Variants in FBXO45 observed in about 807,000 individuals in gnomAD.
The protein encoded by FBXO45 is F-box/SPRY domain-containing protein 1.
FBXO45 carries 3 observed loss-of-function variants against 25.5 expected under a neutral mutation model. That is an observed-to-expected ratio of 0.12 (90% CI 0.05 to 0.30). The LOEUF is 0.30. Among genes scored for constraint, FBXO45 ranks in the 10% least tolerant of loss-of-function variants. The probability of loss-of-function intolerance (pLI) is 1.00; values close to 1 mark genes in which losing one functional copy is unlikely to be tolerated. For synonymous variants in FBXO45, 155 were observed against 149.8 expected (o/e 1.03, Z -0.25); for missense variants, 219 against 365.0 (o/e 0.60, Z 3.26).
intron 2 of FBXO45, among the ~76,000 whole-genome samples, chr3:196,579,981 C>A (rs1735980118): frequency 6.6e-6 from 1 of 151,990 alleles, no homozygotes; most frequent in Non-Finnish European, 1.5e-5. Context: ...TTATCTAACC[C>A]AGTCTCTGTC....
Position 196,587,315 on chromosome 3 carries a change from CCATTATTTTCT to C in FBXO45, c.*3006_*3016del, listed in dbSNP as rs1166988540. ...TGTGGTTAATGTCATTTCATAGTTG[CCATTATTTTCT>C]CATTATTTGACTTAAATGTTAAGCC... On this transcript the variant is annotated 3_prime_UTR_variant, in exon 3 of 3. Transcript: ENST00000311630. The C allele has an allele frequency of 6.6e-6, 1 of 152,112 alleles. No homozygotes were observed. The highest frequency in any genetic ancestry group is 1.9e-4 in the East Asian group (1 of 5,190). The allele number at this position is 152,112 out of a possible 1,614,324, so 9.4% of individuals were successfully genotyped here.
Position 196,578,351 on chromosome 3 carries a change from A to G in FBXO45, c.675+542A>G, listed in dbSNP as rs144973169. Among the ~76,000 whole-genome samples, 921 of 152,090 alleles carry G rather than the reference A, an allele frequency of 6.1e-3. 8 individuals carry two copies. The highest frequency in any genetic ancestry group is 0.021 in the African/African-American group (865 of 41,472). The stretch of plus-strand genomic sequence containing the variant: ...TGCCCAGCCTCAAGGAGATTTTTTG[A>G]CCATTTTTAAATAAATGTATAAATG... On this transcript the variant is annotated intron_variant, in intron 2 of 2. Transcript: ENST00000311630.
Position 196,569,177 on chromosome 3 carries a change from C to T in FBXO45, c.193C>T (p.His65Tyr), listed in dbSNP as rs374939494. 1.9e-6 allele frequency: 3 copies of T among 1,557,978 alleles called. No individual in the cohort carries two copies. The highest frequency in any genetic ancestry group is 2.6e-6 in the Non-Finnish European group (3 of 1,151,386). The change falls in exon 1 of 3, where the codon CAC becomes TAC. Residue 65 changes from histidine (H) to tyrosine (Y), a missense_variant. Physicochemically the swap from His to Tyr is moderately conservative, Grantham distance 83. This residue lies in a region of FBXO45 where 138 missense variants were observed against 157.3 expected (regional missense o/e 0.88). Coordinates refer to ENST00000311630, the MANE Select transcript of FBXO45 (RefSeq NM_001105573.2). This position sits in a 1 kb window ranked among gnomAD's most constrained non-coding sequence, Gnocchi z 4.1. ...GCGGAGCTGCGCCCTGGTGTGCAAGCACTGGTACCGCTGCCTGCACGGCGA... is the reference window on the plus strand; with the variant it reads ...GCGGAGCTGCGCCCTGGTGTGCAAGTACTGGTACCGCTGCCTGCACGGCGA... ...ELRSCALVCK[H>Y]WYRCLHGDEN...
At position 196,577,445 on chromosome 3, in the gene FBXO45, C is replaced by T; in HGVS notation, c.319-8C>T. 1 of 1,532,632 alleles carries T rather than the reference C, an allele frequency of 6.5e-7. No homozygotes were observed. The highest frequency in any genetic ancestry group is 1.7e-4 in the Middle Eastern group (1 of 5,736). 94.9% of individuals were successfully genotyped at this position (1,532,632 alleles called of 1,614,324 possible). The stretch of plus-strand genomic sequence containing the variant: ...GTTATTTATTTGGTCTGTTTTTCAT[C>T]TTTTTAGATACGTGCTTTTCAACAT... On this transcript the variant is annotated splice_polypyrimidine_tract_variant and splice_region_variant and intron_variant, in intron 1 of 2. Transcript: ENST00000311630.
chr3:196,576,375 A>C (rs1451070927), intron 1 of FBXO45, among the ~76,000 whole-genome samples: 8 of 152,166 alleles, frequency 5.3e-5, no homozygotes, highest in Admixed American at 5.2e-4. Context: ...AAAGTAGAGA[A>C]GGGATTTTTT....
chr3:196,577,901 G>T, intron 2 of FBXO45, 92 bp downstream of exon 2: 1 of 694,332 alleles, frequency 1.4e-6, no homozygotes, highest in Non-Finnish European at 2.1e-6. Context: ...AGCAGTTTTT[G>T]TCTTTTTGGT....
intron 2 of FBXO45, among the ~76,000 whole-genome samples, chr3:196,581,573 T>G (rs944167885): frequency 6.6e-6 from 1 of 152,184 alleles, no homozygotes; most frequent in African/African-American, 2.4e-5. Flanking sequence ...TCGAGATTCC[T>G]TATTTATTTA....
chr3:196,573,963 A>G, intron 1 of FBXO45, among the ~76,000 whole-genome samples: 1 of 133,428 alleles, frequency 7.5e-6, no homozygotes, highest in Non-Finnish European at 1.6e-5. Context: ...TTTGAGACAG[A>G]GTCTTGCTCT....
chr3:196,584,390 C>A lies in FBXO45; in HGVS notation c.*72C>A. The A allele has an allele frequency of 7.5e-7, 1 of 1,335,590 alleles. No homozygotes were observed. Among genetic ancestry groups the A allele is most frequent in the Non-Finnish European group, 1.0e-6 (1 of 986,162 alleles). 82.7% of individuals were successfully genotyped at this position (1,335,590 alleles called of 1,614,324 possible). On this transcript the variant is annotated 3_prime_UTR_variant, in exon 3 of 3. Coordinates refer to ENST00000311630, the MANE Select transcript of FBXO45 (RefSeq NM_001105573.2). The surrounding 1 kb of genome is among the most constrained non-coding windows in gnomAD (Gnocchi z 4.3). ...TATGGGAAGTAGAACCATGAAGTGA[C>A]TGTCACACATGCATGTCCAAGAAAC...
Position 196,569,107 on chromosome 3 carries a change from C to T in FBXO45, c.123C>T (p.Ser41=), listed in dbSNP as rs375237644. 9 of 1,508,554 alleles carry T rather than the reference C, an allele frequency of 6.0e-6. No individual in the cohort carries two copies. The highest frequency in any genetic ancestry group is 8.0e-6 in the Non-Finnish European group (9 of 1,121,554). 93.4% of individuals were successfully genotyped at this position (1,508,554 alleles called of 1,614,324 possible). A position where few individuals can be genotyped will look rare whatever the true frequency, so the allele number is the denominator to read the frequency against. The change falls in exon 1 of 3, where the codon AGC becomes AGT. Residue 41 remains serine (S), a synonymous_variant. Transcript: ENST00000311630. The surrounding 1 kb of genome is among the most constrained non-coding windows in gnomAD (Gnocchi z 4.1). Reference sequence around the variant, plus strand: ...CGGGGGCCGGGGGCCGGCTGCCCAGCCGGGTGCTGGAGTTGGTGTTCTCTT... The same window carrying T: ...CGGGGGCCGGGGGCCGGCTGCCCAGTCGGGTGCTGGAGTTGGTGTTCTCTT... The part of the protein sequence containing the change: ...GAAGAGGRLP[S]RVLELVFSYL...
chr3:196,578,415 AG>A (rs1233309357), intron 2 of FBXO45, among the ~76,000 whole-genome samples: 2 of 152,136 alleles, frequency 1.3e-5, no homozygotes, highest in African/African-American at 4.8e-5. Context: ...AACTTTAAGC[AG>A]CCTATTTTTG....
intron 1 of FBXO45, among the ~76,000 whole-genome samples, chr3:196,575,383 A>G (rs551891421): frequency 6.6e-6 from 1 of 150,584 alleles, no homozygotes; most frequent in African/African-American, 2.4e-5. Flanking sequence ...GCTTGAACCC[A>G]GGAGGCAGAG....
chr3:196,582,160 T>G (rs976747349), intron 2 of FBXO45, among the ~76,000 whole-genome samples: 2 of 152,210 alleles, frequency 1.3e-5, no homozygotes, highest in Non-Finnish European at 2.9e-5. Flanking sequence ...CCCTGGGCTT[T>G]GTGCGTGCTG....
At chr3:196,578,109 C>T (rs951154109) in intron 2 of FBXO45, among the ~76,000 whole-genome samples, 12 of 144,206 alleles carry the variant, frequency 8.3e-5, no homozygotes, top group African/African-American at 1.3e-4. Context: ...GGCGCCAACT[C>T]GGCTCACTGC....
Position 196,584,253 on chromosome 3 carries a change from G to T in FBXO45, c.796G>T (p.Val266Phe). 6.2e-7 allele frequency: 1 copy of T among 1,613,896 alleles called. No individual in the cohort carries two copies. Among genetic ancestry groups the T allele is most frequent in the Non-Finnish European group, 8.5e-7 (1 of 1,179,866 alleles). Residue 266 changes from valine (V) to phenylalanine (F), a missense_variant, in exon 3 of 3, where the codon GTT becomes TTT. Physicochemically the swap from Val to Phe is conservative, Grantham distance 50. Around this residue, in one of 4 missense-constraint regions of FBXO45, gnomAD observed 16 missense variants for 52.3 expected, o/e 0.31. Coordinates refer to ENST00000311630, the MANE Select transcript of FBXO45 (RefSeq NM_001105573.2). The surrounding 1 kb of genome is among the most constrained non-coding windows in gnomAD (Gnocchi z 4.3). ...TCCAAAGGTCTGCTTATACCCAGCA[G>T]TTTCTGCTGTATATGGCAACACAGA... Reference protein sequence around the residue: ...GLPKVCLYPAVSAVYGNTEVT... With the variant: ...GLPKVCLYPAFSAVYGNTEVT...
rs779430711 is a variant in FBXO45 at position 196,572,929 on chromosome 3, A to AT, written c.318+3637dup. On this transcript the variant is annotated intron_variant, in intron 1 of 2. Transcript: ENST00000311630. Reference sequence around the variant, plus strand: ...ATAATGTAGAGATCAGTTGATCTAGATTTTTTTTTTGAGATGAGGTCTTGC... The same window carrying AT: ...ATAATGTAGAGATCAGTTGATCTAGATTTTTTTTTTTGAGATGAGGTCTTGC... Among the ~76,000 whole-genome samples the AT allele has an allele frequency of 1.4e-3, 203 of 149,950 alleles. 2 individuals carry two copies. The highest frequency in any genetic ancestry group is 2.7e-3 in the African/African-American group (109 of 40,890).
In FBXO45 at chr3:196,586,063, C is replaced by G. The variant is rs1202740918; in HGVS notation, c.*1745C>G. On this transcript the variant is annotated 3_prime_UTR_variant, in exon 3 of 3. Transcript: ENST00000311630. ...CGATGTCCAGGTTAAGAAGAAACCTCCTTGTATTGAGTGAAATTATATGTT... is the reference window on the plus strand; with the variant it reads ...CGATGTCCAGGTTAAGAAGAAACCTGCTTGTATTGAGTGAAATTATATGTT... 6.6e-6 allele frequency: 1 copy of G among 152,122 alleles called. No homozygotes were observed. The highest frequency in any genetic ancestry group is 1.5e-5 in the Non-Finnish European group (1 of 68,008). The allele number at this position is 152,122 out of a possible 1,614,324, so 9.4% of individuals were successfully genotyped here. A position where few individuals can be genotyped will look rare whatever the true frequency, so the allele number is the denominator to read the frequency against.
At position 196,588,754 on chromosome 3, in the gene FBXO45, A is replaced by G. The variant is rs547379303; in HGVS notation, c.*4436A>G. ...ACATATTTGCTGAAGGAACAGAGAA[A>G]GAACTGCGGAGAAAGACAAAAGCTC... On this transcript the variant is annotated 3_prime_UTR_variant, in exon 3 of 3. Coordinates refer to ENST00000311630, the MANE Select transcript of FBXO45 (RefSeq NM_001105573.2). This position sits in a 1 kb window ranked among gnomAD's most constrained non-coding sequence, Gnocchi z 4.2. 1 of 148,044 alleles carries G rather than the reference A, an allele frequency of 6.8e-6. No individual in the cohort carries two copies. The highest frequency in any genetic ancestry group is 1.5e-5 in the Non-Finnish European group (1 of 68,024). 9.2% of individuals were successfully genotyped at this position (148,044 alleles called of 1,614,324 possible).
chr3:196,575,960 AGCCACCGC>A (rs1429062067), intron 1 of FBXO45, among the ~76,000 whole-genome samples: 1 of 152,198 alleles, frequency 6.6e-6, no homozygotes, highest in Non-Finnish European at 1.5e-5. Flanking sequence ...TGCAGGGGTG[AGCCACCGC>A]GCCCGGCCCC....
Sources: gnomAD v4.1 joint callset for allele counts (sites outside exome capture counted in the v4.1 genomes callset) on GRCh38, gnomAD v4.1.1 for gene constraint, gnomAD v4.1.1 regional missense constraint, Gnocchi (gnomAD v3.1) non-coding constraint, MANE v1.5 for transcripts, NCBI Gene and HGNC (gene_info 2026-07-23, HGNC 2026-07-21) for gene names.